Variants in FAP observed in about 807,000 individuals in gnomAD.
The protein encoded by FAP is fibroblast activation protein alpha, also known as prolyl endopeptidase FAP.
In FAP, 110 loss-of-function variants were observed where a neutral mutation model predicts 126.5. The observed-to-expected ratio is 0.87, with a 90% CI of 0.74 to 1.02. FAP has a LOEUF of 1.02. Ranked by LOEUF, FAP falls within the 50% of genes least tolerant of loss-of-function variation. The pLI is 0.00. For missense variants in FAP, 919 were observed against 909.2 expected, an observed-to-expected ratio of 1.01 and a Z score of -0.14; for synonymous variants, 334 against 297.3, an observed-to-expected ratio of 1.12 and a Z score of -1.27.
chr2:162,179,997 C>T lies in FAP; in HGVS notation c.1869+3417G>A, dbSNP rs549842362. On this transcript the variant is annotated intron_variant, in intron 21 of 25. Coordinates refer to ENST00000188790, the MANE Select transcript of FAP (RefSeq NM_004460.5). The stretch of plus-strand genomic sequence containing the variant: ...CTAAGTTTTGTATTTTTAGTAGAGA[C>T]GGGGTTTCGTCATGTTGGTCAGGCT... 5.9e-5 allele frequency among the ~76,000 whole-genome samples: 9 copies of T among 151,602 alleles called. No individual in the cohort carries two copies. In the South Asian group the frequency reaches 1.3e-3, roughly 21 times the overall value.
At chr2:162,171,193 C>T (rs375889054) in intron 25 of FAP, 113 bp from the exon 26 acceptor site, 10 of 687,194 alleles carry the variant, frequency 1.5e-5, no homozygotes, top group South Asian at 1.1e-4. Context: ...GGAAACTGTA[C>T]CTAAGAACAC....
At chr2:162,203,224 G>A (rs769571401) in intron 12 of FAP, 79 bp from the exon 13 acceptor site, 346 of 815,832 alleles carry the variant, frequency 4.2e-4, no homozygotes, top group Non-Finnish European at 6.3e-4. Flanking sequence ...ATATAAAAGC[G>A]ACGTATGGTC....
At position 162,219,126 on chromosome 2, in the gene FAP, G is replaced by T; in HGVS notation, c.544C>A (p.Gln182Lys). ...TTTTCTCTTCCATTAAATGTTATTT[G>T]AAAAGGTGGATCTCCTGGTCTTTGT... ...LKQRPGDPPF[Q>K]ITFNGRENKI... The change falls in exon 8 of 26, where the codon CAA becomes AAA. Residue 182 changes from glutamine (Q) to lysine (K), a missense_variant. Transcript: ENST00000188790. The T allele has an allele frequency of 6.2e-7, 1 of 1,606,432 alleles. No homozygotes were observed.
chr2:162,198,602 T>C, intron 16 of FAP, 155 bp downstream of exon 16: 1 of 982,674 alleles, frequency 1.0e-6, no homozygotes. Context: ...AATACCTTCC[T>C]ATCCTCCTTT....
intron 2 of FAP, among the ~76,000 whole-genome samples, chr2:162,236,679 C>T (rs760698937): frequency 3.0e-4 from 45 of 152,260 alleles, no homozygotes; most frequent in African/African-American, 9.4e-4. Flanking sequence ...GGCACAATCT[C>T]GGCTCACTGC....
At chr2:162,173,369 C>T in intron 23 of FAP, 148 bp from the exon 24 acceptor site, 1 of 658,782 alleles carries the variant, frequency 1.5e-6, no homozygotes, top group African/African-American at 1.8e-5. Context: ...AACACATTTT[C>T]ATCATCATTT....
chr2:162,183,742 C>G (rs1687770891), intron 20 of FAP, among the ~76,000 whole-genome samples: 1 of 152,014 alleles, frequency 6.6e-6, no homozygotes, highest in Non-Finnish European at 1.5e-5. Context: ...TGGGGGTGTA[C>G]CTGAGACTCA....
chr2:162,225,182 C>T (rs1211400749), intron 4 of FAP, among the ~76,000 whole-genome samples: 3 of 152,172 alleles, frequency 2.0e-5, no homozygotes, highest in South Asian at 2.1e-4. Context: ...TAACCTTTCA[C>T]GACCAGTAAG....
At chr2:162,242,839 T>C in intron 2 of FAP, 69 bp downstream of exon 2, 2 of 1,164,290 alleles carry the variant, frequency 1.7e-6, no homozygotes, top group Non-Finnish European at 2.5e-6. Flanking sequence ...TTCAACCACT[T>C]GTGATCTTGC....
At chr2:162,224,410 A>G (rs1376553184) in intron 5 of FAP, 56 bp downstream of exon 5, 5 of 1,070,034 alleles carry the variant, frequency 4.7e-6, no homozygotes, top group Non-Finnish European at 5.6e-6. Context: ...TTTTTAAACC[A>G]CCTTGTGGAT....
intron 6 of FAP, among the ~76,000 whole-genome samples, chr2:162,221,878 G>A (rs1689418455): frequency 6.6e-6 from 1 of 151,930 alleles, no homozygotes; most frequent in Admixed American, 6.6e-5. Context: ...TGAAATTGGT[G>A]GTATTCAGCG....
In FAP at chr2:162,188,077, A is replaced by G. The variant is rs868835406; in HGVS notation, c.1814+92T>C. 17 of 1,071,226 alleles carry G rather than the reference A, an allele frequency of 1.6e-5. No individual in the cohort carries two copies. In the Middle Eastern group the frequency reaches 3.0e-3, roughly 188 times the overall value. 66.4% of individuals were successfully genotyped at this position (1,071,226 alleles called of 1,614,324 possible). A position where few individuals can be genotyped will look rare whatever the true frequency, so the allele number is the denominator to read the frequency against. Reference sequence around the variant, plus strand: ...AGACCAAGTTAGAAAAAGAAAAACAAAAGAATTAAGTCATGAAGAATGGAG... The same window carrying G: ...AGACCAAGTTAGAAAAAGAAAAACAGAAGAATTAAGTCATGAAGAATGGAG... On this transcript the variant is annotated intron_variant, in intron 20 of 25. Coordinates refer to ENST00000188790, the MANE Select transcript of FAP (RefSeq NM_004460.5).
chr2:162,220,418 C>G (rs1248985392), intron 6 of FAP, among the ~76,000 whole-genome samples: 2 of 152,188 alleles, frequency 1.3e-5, no homozygotes, highest in Non-Finnish European at 2.9e-5. Flanking sequence ...CTCTGAAATT[C>G]TATAATTGTG....
intron 12 of FAP, among the ~76,000 whole-genome samples, chr2:162,203,565 C>T (rs901662026): frequency 6.6e-6 from 1 of 152,140 alleles, no homozygotes; most frequent in Non-Finnish European, 1.5e-5. Context: ...TGATGCCAAG[C>T]ATGCAATATC....
chr2:162,225,610 A>G, intron 3 of FAP, 33 bp from the exon 4 acceptor site: 1 of 1,554,146 alleles, frequency 6.4e-7, no homozygotes. Context: ...AATGTAAATG[A>G]TCTCTCTTAA....
chr2:162,185,685 C>T (rs1355390201), intron 20 of FAP, among the ~76,000 whole-genome samples: 3 of 151,886 alleles, frequency 2.0e-5, no homozygotes, highest in Admixed American at 6.6e-5. Flanking sequence ...TATGTACGTA[C>T]GATTTTCTTT....
At chr2:162,189,423 AC>A (rs536323298) in intron 18 of FAP, among the ~76,000 whole-genome samples, 14 of 152,130 alleles carry the variant, frequency 9.2e-5, no homozygotes, top group East Asian at 1.9e-4. Context: ...TTTTAAAAAA[AC>A]GTCAGTGTGG....
At chr2:162,218,481 A>G (rs1689245411) in intron 8 of FAP, among the ~76,000 whole-genome samples, 1 of 152,064 alleles carries the variant, frequency 6.6e-6, no homozygotes, top group Admixed American at 6.6e-5. Context: ...AAAGAACTAT[A>G]ATTGTACTAG....
chr2:162,229,018 T>G (rs1198786356), intron 2 of FAP, among the ~76,000 whole-genome samples: 1 of 152,164 alleles, frequency 6.6e-6, no homozygotes, highest in Non-Finnish European at 1.5e-5. Context: ...GATAACAATT[T>G]TTTTAAAGAA....
Sources: allele counts gnomAD v4.1 joint callset (sites outside exome capture counted in the v4.1 genomes callset), GRCh38; gene constraint gnomAD v4.1.1; transcripts MANE v1.5; gene names NCBI Gene and HGNC (gene_info 2026-07-23, HGNC 2026-07-21).